Variants in ERG observed in about 807,000 individuals in gnomAD.
The protein encoded by ERG is ETS transcription factor ERG, also known as transcriptional regulator ERG.
In ERG, 9 loss-of-function variants were observed where a neutral mutation model predicts 55.3. The ratio of observed to expected loss-of-function variants is 0.16; its 90% CI spans 0.10 to 0.28. The LOEUF is 0.28. ERG is among the 10% of genes least tolerant of loss of function. ERG has a pLI of 1.00. For missense variants in ERG, 434 were observed against 631.6 expected (o/e 0.69, Z 3.35); for synonymous variants, 223 against 237.3 (o/e 0.94, Z 0.55).
At chr21:38,495,740 A>G (rs562233405) in intron 1 of ERG, among the ~76,000 whole-genome samples, 18 of 152,338 alleles carry the variant, frequency 1.2e-4, no homozygotes, top group African/African-American at 3.6e-4. Context: ...CATTAAAAAA[A>G]AAGGAATCAG....
At chr21:38,454,076 A>ATTTTTGTTT (rs1472460452) in intron 1 of ERG, among the ~76,000 whole-genome samples, 5 of 152,132 alleles carry the variant, frequency 3.3e-5, no homozygotes, top group Non-Finnish European at 5.9e-5. Context: ...TACTCTTGAC[A>ATTTTTGTTT]CTCAATACTT....
At chr21:38,607,676 G>A (rs1885885602) in intron 1 of ERG, among the ~76,000 whole-genome samples, 1 of 152,120 alleles carries the variant, frequency 6.6e-6, no homozygotes, top group Non-Finnish European at 1.5e-5. Flanking sequence ...ACAATTATGA[G>A]TGGATATATA....
chr21:38,403,116 T>C (rs1988585014), intron 4 of ERG, among the ~76,000 whole-genome samples: 1 of 152,226 alleles, frequency 6.6e-6, no homozygotes, highest in Non-Finnish European at 1.5e-5. Flanking sequence ...TTAGGGAGAA[T>C]AATCCCCCTA....
chr21:38,607,884 G>C (rs1467305146), intron 1 of ERG, among the ~76,000 whole-genome samples: 1 of 148,188 alleles, frequency 6.7e-6, no homozygotes, highest in Non-Finnish European at 1.5e-5. Flanking sequence ...CGTTTGGAAA[G>C]TGGGTAGAAA....
At chr21:38,534,026 T>G (rs995840017) in intron 2 of ERG, among the ~76,000 whole-genome samples, 1 of 152,184 alleles carries the variant, frequency 6.6e-6, no homozygotes, top group Non-Finnish European at 1.5e-5. Flanking sequence ...TCACTTCACT[T>G]ATACTAAACA....
chr21:38,627,334 A>G (rs2060330972), intron 1 of ERG, among the ~76,000 whole-genome samples: 1 of 152,184 alleles, frequency 6.6e-6, no homozygotes, highest in African/African-American at 2.4e-5. Context: ...CTGTAACCCA[A>G]AAAAAGGAAG....
intron 1 of ERG, among the ~76,000 whole-genome samples, chr21:38,654,683 GAAGT>G (rs1555878861): frequency 6.6e-6 from 1 of 152,160 alleles, no homozygotes; most frequent in Non-Finnish European, 1.5e-5. Flanking sequence ...ACTCTGTAGT[GAAGT>G]AAGTTTTACT....
intron 1 of ERG, among the ~76,000 whole-genome samples, chr21:38,612,159 G>C (rs921458115): frequency 6.6e-6 from 1 of 152,184 alleles, no homozygotes; most frequent in Non-Finnish European, 1.5e-5. Flanking sequence ...TCCTGAATGT[G>C]ACGCGTTCCA....
intron 2 of ERG, among the ~76,000 whole-genome samples, chr21:38,559,603 A>C (rs1568912555): frequency 1.3e-5 from 2 of 152,222 alleles, no homozygotes; most frequent in Non-Finnish European, 2.9e-5. Flanking sequence ...TATAACAAAT[A>C]GAGTCAAAAT....
chr21:38,475,818 G>A (rs934613392), intron 1 of ERG, among the ~76,000 whole-genome samples: 13 of 152,234 alleles, frequency 8.5e-5, no homozygotes, highest in African/African-American at 2.6e-4. Flanking sequence ...GAGCCCAGCT[G>A]TCCTGCTGCT....
chr21:38,570,495 T>G (rs931543351), intron 2 of ERG, among the ~76,000 whole-genome samples: 2 of 152,254 alleles, frequency 1.3e-5, no homozygotes, highest in Non-Finnish European at 2.9e-5. Flanking sequence ...AGAGACAGGA[T>G]GATGTTTTAT....
At chr21:38,609,289 C>T (rs1391375172) in intron 1 of ERG, among the ~76,000 whole-genome samples, 1 of 152,096 alleles carries the variant, frequency 6.6e-6, no homozygotes, top group Non-Finnish European at 1.5e-5. Context: ...TTAAGGGAAC[C>T]TGAACCAAAC....
chr21:38,431,347 T>A (rs1297451105), intron 2 of ERG, among the ~76,000 whole-genome samples: 1 of 152,162 alleles, frequency 6.6e-6, no homozygotes, highest in African/African-American at 2.4e-5. Context: ...GTTAACAGTT[T>A]TTTAGGGAGG....
At chr21:38,480,606 T>C in intron 1 of ERG, among the ~76,000 whole-genome samples, 1 of 145,912 alleles carries the variant, frequency 6.9e-6, no homozygotes, top group East Asian at 2.0e-4. Flanking sequence ...TTTTTTTTTT[T>C]TTTTTTTTGC....
chr21:38,403,691 G>A lies in ERG; in HGVS notation c.407C>T (p.Thr136Ile). The change falls in exon 4 of 10, where the codon ACA becomes ATA. Residue 136 changes from threonine to isoleucine, a missense_variant. Transcript: ENST00000288319. ...CTCCAGCCACTGCCGCACATGGTCT[G>A]TACTCCATAGCGTAGGATCTGAAAG... ...IVPADPTLWS[T>I]DHVRQWLEWA... The A allele has an allele frequency of 5.0e-6, 8 of 1,614,164 alleles. No homozygotes were observed. Among genetic ancestry groups the A allele is most frequent in the Non-Finnish European group, 6.8e-6 (8 of 1,180,004 alleles).
chr21:38,435,215 A>T (rs553941459), intron 2 of ERG, among the ~76,000 whole-genome samples: 2 of 152,216 alleles, frequency 1.3e-5, no homozygotes, highest in African/African-American at 4.8e-5. Context: ...CTTCATAAGG[A>T]TCCTAAAAGC....
At chr21:38,600,454 G>A (rs1287990744) in intron 1 of ERG, among the ~76,000 whole-genome samples, 1 of 152,128 alleles carries the variant, frequency 6.6e-6, no homozygotes, top group Non-Finnish European at 1.5e-5. Flanking sequence ...CCCGGTCCCT[G>A]TTTGCTCCAC....
Position 38,622,224 on chromosome 21 carries a change from C to T in ERG, c.-149-37279G>A, listed in dbSNP as rs80167219. Reference sequence around the variant, plus strand: ...GGCCTTCTCATGCTCCACGTGTAAACGTAACTCACCAAACAGGGCCCCTGC... The same window carrying T: ...GGCCTTCTCATGCTCCACGTGTAAATGTAACTCACCAAACAGGGCCCCTGC... On this transcript the variant is annotated intron_variant, in intron 1 of 10. Transcript: ENST00000398910. Among the ~76,000 whole-genome samples, 9 of 152,320 alleles carry T rather than the reference C, an allele frequency of 5.9e-5. No individual in the cohort carries two copies. The East Asian group carries it at 9.6e-4, about 16-fold the overall frequency.
At chr21:38,423,617 T>C in intron 2 of ERG, 56 bp from the exon 3 acceptor site, 1 of 1,533,056 alleles carries the variant, frequency 6.5e-7, no homozygotes, top group Non-Finnish European at 8.9e-7. Flanking sequence ...CATGTCTCCA[T>C]CGACTTCTCA....
Sources: allele counts gnomAD v4.1 joint callset (sites outside exome capture counted in the v4.1 genomes callset), GRCh38; gene constraint gnomAD v4.1.1; transcripts MANE v1.5; gene names NCBI Gene and HGNC (gene_info 2026-07-23, HGNC 2026-07-21).